The following GNAQ variants were observed in gnomAD, a reference collection of about 807,000 sequenced individuals.
The protein encoded by GNAQ is guanine nucleotide-binding protein G(q) subunit alpha.
A neutral mutation model predicts 43.9 loss-of-function variants in GNAQ; 8 were observed. That is an observed-to-expected ratio of 0.18 (90% CI 0.11 to 0.33). The LOEUF (loss-of-function observed/expected upper bound fraction) is 0.33, where lower values mean the gene tolerates loss of function less well. GNAQ is among the 10% of genes least tolerant of loss of function. The pLI, the probability that GNAQ is intolerant of heterozygous loss-of-function variation, is 1.00. For synonymous variants in GNAQ, 155 were observed against 170.7 expected, an observed-to-expected ratio of 0.91 and a Z score of 0.71; for missense variants, 158 against 450.8, an observed-to-expected ratio of 0.35 and a Z score of 5.88.
intron 2 of GNAQ, among the ~76,000 whole-genome samples, chr9:77,918,124 C>T (rs1389398808): frequency 6.6e-6 from 1 of 152,116 alleles, no homozygotes; most frequent in Non-Finnish European, 1.5e-5. Context: ...TTCCAAAAGC[C>T]AGAATCAATT....
Position 77,858,130 on chromosome 9 carries a change from C to A in GNAQ, c.322-42360G>T, listed in dbSNP as rs1487896169. Among the ~76,000 whole-genome samples, 3 of 152,242 alleles carry A rather than the reference C, an allele frequency of 2.0e-5. No individual in the cohort carries two copies. The East Asian group carries it at 5.8e-4, about 29-fold the overall frequency. ...CAGCAGCTCTCTCTGCTCACCCCAACCCTGGCATGAGGAGTATCTAGGATT... is the reference window on the plus strand; with the variant it reads ...CAGCAGCTCTCTCTGCTCACCCCAAACCTGGCATGAGGAGTATCTAGGATT... On this transcript the variant is annotated intron_variant, in intron 2 of 6. Coordinates refer to ENST00000286548, the MANE Select transcript of GNAQ (RefSeq NM_002072.5).
intron 2 of GNAQ, among the ~76,000 whole-genome samples, chr9:77,850,511 T>C (rs1564129860): frequency 6.6e-6 from 1 of 152,196 alleles, no homozygotes; most frequent in Non-Finnish European, 1.5e-5. Context: ...CACAGTGTGA[T>C]GGAATGATTT....
At chr9:77,922,652 A>G (rs1829015679) in intron 1 of GNAQ, among the ~76,000 whole-genome samples, 1 of 152,218 alleles carries the variant, frequency 6.6e-6, no homozygotes, top group African/African-American at 2.4e-5. Flanking sequence ...CAATGGCAAC[A>G]GCATCTTTTG....
At chr9:77,904,690 G>C (rs1262398300) in intron 2 of GNAQ, among the ~76,000 whole-genome samples, 1 of 152,080 alleles carries the variant, frequency 6.6e-6, no homozygotes, top group Non-Finnish European at 1.5e-5. Context: ...AAAATAATTA[G>C]CAAGTCTTTT....
chr9:77,753,815 C>T (rs558802653), intron 5 of GNAQ, among the ~76,000 whole-genome samples: 3 of 144,532 alleles, frequency 2.1e-5, no homozygotes, highest in Non-Finnish European at 4.6e-5. Flanking sequence ...GTATAGTCGC[C>T]CTTGAAAAAC....
At chr9:77,735,418 C>T (rs1011937825) in intron 5 of GNAQ, among the ~76,000 whole-genome samples, 7 of 152,286 alleles carry the variant, frequency 4.6e-5, no homozygotes, top group Non-Finnish European at 7.4e-5. Flanking sequence ...TCTGAACATA[C>T]TCTCTCAGGT....
intron 2 of GNAQ, among the ~76,000 whole-genome samples, chr9:77,911,002 A>C (rs1397299580): frequency 6.6e-6 from 1 of 152,242 alleles, no homozygotes; most frequent in Non-Finnish European, 1.5e-5. Flanking sequence ...CATTCAACAG[A>C]GTAGAACCAT....
rs1337153708 is a variant in GNAQ at position 77,728,952 on chromosome 9, T to C, written c.736-285A>G. ...AGAAAATAATTGAAAGCCTAGAGAA[T>C]CATGTTGTGAATCTGGAACACTGTC... On this transcript the variant is annotated intron_variant, in intron 5 of 6. Transcript: ENST00000286548. Among the ~76,000 whole-genome samples the C allele has an allele frequency of 2.0e-5, 3 of 152,186 alleles. No homozygotes were observed. The East Asian group carries it at 5.8e-4, about 29-fold the overall frequency.
intron 1 of GNAQ, among the ~76,000 whole-genome samples, chr9:77,948,062 C>T (rs10781474): frequency 0.3 from 44,958 of 152,118 alleles, 6,844 homozygotes; most frequent in South Asian, 0.43. Context: ...AAGTGTTAGA[C>T]AGGTGTTAAC....
At chr9:77,847,939 G>A (rs1163330080) in intron 2 of GNAQ, among the ~76,000 whole-genome samples, 1 of 152,192 alleles carries the variant, frequency 6.6e-6, no homozygotes, top group Non-Finnish European at 1.5e-5. Flanking sequence ...CAGCAGACCT[G>A]CACTTAAGTA....
rs1825283814 is a variant in GNAQ at position 77,719,892 on chromosome 9, C to T, written c.*1431G>A. On this transcript the variant is annotated 3_prime_UTR_variant, in exon 7 of 7. Coordinates refer to ENST00000286548, the MANE Select transcript of GNAQ (RefSeq NM_002072.5). ...CCATAAGTTCAACCTAATCAGTTACCAGTTCAAGAAGATCATGAAGGTGGT... is the reference window on the plus strand; with the variant it reads ...CCATAAGTTCAACCTAATCAGTTACTAGTTCAAGAAGATCATGAAGGTGGT... 4.3e-6 allele frequency: 1 copy of T among 232,236 alleles called. No homozygotes were observed. Among genetic ancestry groups the T allele is most frequent in the Admixed American group, 5.6e-5 (1 of 17,726 alleles). 14.4% of individuals were successfully genotyped at this position (232,236 alleles called of 1,614,324 possible). A position where few individuals can be genotyped will look rare whatever the true frequency, so the allele number is the denominator to read the frequency against.
At chr9:77,787,626 G>C (rs1826502457) in intron 5 of GNAQ, among the ~76,000 whole-genome samples, 1 of 152,098 alleles carries the variant, frequency 6.6e-6, no homozygotes, top group Non-Finnish European at 1.5e-5. Flanking sequence ...AATTTTACTA[G>C]AAAATAAGAG....
chr9:77,754,680 G>A (rs1825870594), intron 5 of GNAQ, among the ~76,000 whole-genome samples: 2 of 152,114 alleles, frequency 1.3e-5, no homozygotes, highest in Admixed American at 6.5e-5. Flanking sequence ...TAGGAAAGAT[G>A]GTTCCAAGAC....
chr9:77,988,894 AT>A (rs1371181590), intron 1 of GNAQ, among the ~76,000 whole-genome samples: 2 of 152,182 alleles, frequency 1.3e-5, no homozygotes, highest in East Asian at 1.9e-4. Flanking sequence ...ACTTCATAAG[AT>A]TTAGTAAGGA....
At chr9:77,875,489 T>C (rs1256079074) in intron 2 of GNAQ, among the ~76,000 whole-genome samples, 1 of 152,236 alleles carries the variant, frequency 6.6e-6, no homozygotes, top group Non-Finnish European at 1.5e-5. Flanking sequence ...CATCTACTTA[T>C]CTGCTAATGA....
At chr9:77,857,955 A>C (rs1174924008) in intron 2 of GNAQ, among the ~76,000 whole-genome samples, 6 of 151,870 alleles carry the variant, frequency 4.0e-5, no homozygotes, top group African/African-American at 1.5e-4. Context: ...CAAACTCCCC[A>C]AAAGCTTTTT....
chr9:77,865,485 T>C (rs1827932940), intron 2 of GNAQ, among the ~76,000 whole-genome samples: 1 of 152,222 alleles, frequency 6.6e-6, no homozygotes, highest in Admixed American at 6.5e-5. Context: ...AGCAACCCAA[T>C]TAAACATTGT....
At chr9:77,870,884 A>T (rs1418389476) in intron 2 of GNAQ, among the ~76,000 whole-genome samples, 1 of 152,190 alleles carries the variant, frequency 6.6e-6, no homozygotes, top group East Asian at 1.9e-4. Flanking sequence ...AGATACTATG[A>T]GATTCCATTC....
chr9:77,797,659 G>C lies in GNAQ; in HGVS notation c.477-11C>G, dbSNP rs1329388454. 1 of 1,611,878 alleles carries C rather than the reference G, an allele frequency of 6.2e-7. No homozygotes were observed. Among genetic ancestry groups the C allele is most frequent in the East Asian group, 2.2e-5 (1 of 44,762 alleles). The stretch of plus-strand genomic sequence containing the variant: ...AAGTCATTAAGATAGCTAGAGGAGG[G>C]AAGACACAATGAGAATGTCAGTGAC... On this transcript the variant is annotated splice_polypyrimidine_tract_variant and intron_variant, in intron 3 of 6. Coordinates refer to ENST00000286548, the MANE Select transcript of GNAQ (RefSeq NM_002072.5).
Sources: gnomAD v4.1 joint callset for allele counts (sites outside exome capture counted in the v4.1 genomes callset) on GRCh38, gnomAD v4.1.1 for gene constraint, MANE v1.5 for transcripts, NCBI Gene and HGNC (gene_info 2026-07-23, HGNC 2026-07-21) for gene names.